INSL6: variants seen among roughly 807,000 people sequenced by gnomAD.
The protein encoded by INSL6 is insulin like 6, also known as insulin-like peptide INSL6.
INSL6 carries 16 observed loss-of-function variants against 9.4 expected under a neutral mutation model. The ratio of observed to expected loss-of-function variants is 1.70; its 90% CI spans 1.15 to 2.59. INSL6 has a LOEUF of 2.59. INSL6 is among the 30% of genes most tolerant of loss of function. The probability of loss-of-function intolerance (pLI) is 0.00; values close to 1 mark genes in which losing one functional copy is unlikely to be tolerated. For synonymous variants in INSL6, 154 were observed against 96.9 expected (o/e 1.59, Z -3.46); for missense variants, 391 against 257.3 (o/e 1.52, Z -3.56).
the INSL6 span, among the ~76,000 whole-genome samples, chr9:5,117,531 T>G: frequency 6.6e-6 from 1 of 152,240 alleles, no homozygotes; most frequent in South Asian, 2.1e-4. Flanking sequence ...CAATAAGATA[T>G]GTTTTCTATT....
chr9:5,044,343 G>T, the INSL6 span: 1 of 994,858 alleles, frequency 1.0e-6, no homozygotes, highest in Non-Finnish European at 1.6e-6. Context: ...ACTATATATA[G>T]ATAGTACGTT....
downstream of INSL6, among the ~76,000 whole-genome samples, chr9:5,161,760 G>C (rs952932038): frequency 1.3e-5 from 2 of 152,054 alleles, no homozygotes; most frequent in African/African-American, 4.8e-5. Flanking sequence ...AAAATCAATA[G>C]ACAAAATTCA....
intron 1 of INSL6, among the ~76,000 whole-genome samples, chr9:5,176,027 G>C (rs1825296521): frequency 6.6e-6 from 1 of 152,116 alleles, no homozygotes; most frequent in African/African-American, 2.4e-5. Flanking sequence ...GTACCAAAAA[G>C]GTTGGGGATT....
the INSL6 span, among the ~76,000 whole-genome samples, chr9:5,026,773 T>G: frequency 6.6e-6 from 1 of 152,216 alleles, no homozygotes; most frequent in Non-Finnish European, 1.5e-5. Context: ...GCTTGTATTA[T>G]TTACTTGTGT....
At chr9:5,046,876 G>T in the INSL6 span, among the ~76,000 whole-genome samples, 1 of 152,102 alleles carries the variant, frequency 6.6e-6, no homozygotes. Context: ...AGTATATTTT[G>T]GGGGTAGGCT....
At chr9:4,998,106 C>T in the INSL6 span, among the ~76,000 whole-genome samples, 20 of 152,110 alleles carry the variant, frequency 1.3e-4, no homozygotes, top group South Asian at 1.7e-3. Flanking sequence ...AAATATTTCA[C>T]GAGCAGAATT....
chr9:5,038,633 G>C, the INSL6 span, among the ~76,000 whole-genome samples: 1 of 150,400 alleles, frequency 6.6e-6, no homozygotes, highest in Non-Finnish European at 1.5e-5. Context: ...AATATTTGCA[G>C]AGTATACGCT....
At chr9:5,114,914 T>C in the INSL6 span, 1 of 186,160 alleles carries the variant, frequency 5.4e-6, no homozygotes, top group Non-Finnish European at 1.1e-5. Flanking sequence ...CCACCCCCAA[T>C]AAACAGTGCC....
the INSL6 span, among the ~76,000 whole-genome samples, chr9:5,068,694 A>G: frequency 1.3e-5 from 2 of 152,258 alleles, no homozygotes; most frequent in African/African-American, 4.8e-5. Flanking sequence ...AAACCAGCTC[A>G]TGGAAGGCTC....
intron 2 of INSL6, among the ~76,000 whole-genome samples, chr9:5,141,324 A>G (rs928572445): frequency 2.0e-5 from 3 of 152,176 alleles, no homozygotes; most frequent in African/African-American, 7.2e-5. Context: ...TCCTACCAGC[A>G]GTGTAAAAGT....
chr9:5,009,793 C>CA, the INSL6 span, among the ~76,000 whole-genome samples: 1 of 150,350 alleles, frequency 6.7e-6, no homozygotes, highest in African/African-American at 2.4e-5. Context: ...TTTTTGCAGT[C>CA]ACAGTCTTGC....
At chr9:5,165,468 T>C (rs777624266) in intron 1 of INSL6, among the ~76,000 whole-genome samples, 11 of 152,196 alleles carry the variant, frequency 7.2e-5, no homozygotes, top group Non-Finnish European at 1.3e-4. Flanking sequence ...ATTATCACCA[T>C]GGATGCACAG....
the INSL6 span, chr9:5,090,580 AT>A: frequency 6.4e-7 from 1 of 1,559,780 alleles, no homozygotes; most frequent in South Asian, 1.2e-5. Context: ...GGTAACTAAT[AT>A]CCTGATTATT....
chr9:5,169,903 C>A (rs1825140346), intron 1 of INSL6, among the ~76,000 whole-genome samples: 1 of 152,170 alleles, frequency 6.6e-6, no homozygotes, highest in Non-Finnish European at 1.5e-5. Context: ...TTAAGACTCC[C>A]ACACAATAAT....
the INSL6 span, chr9:5,077,354 T>A: frequency 6.7e-5 from 27 of 400,744 alleles, no homozygotes; most frequent in East Asian, 1.1e-3. Context: ...TTAATTTCTT[T>A]ACCTATAATG....
At chr9:5,175,817 G>A (rs748970919) in intron 1 of INSL6, among the ~76,000 whole-genome samples, 2 of 152,086 alleles carry the variant, frequency 1.3e-5, no homozygotes, top group African/African-American at 4.8e-5. Flanking sequence ...CCCCAGATGG[G>A]ACCATCTGGT....
chr9:5,025,506 C>T, the INSL6 span, among the ~76,000 whole-genome samples: 1 of 147,610 alleles, frequency 6.8e-6, no homozygotes, highest in African/African-American at 2.5e-5. Context: ...TTCTTTTCTT[C>T]TTCTTTTGTT....
At chr9:5,058,830 A>G in the INSL6 span, among the ~76,000 whole-genome samples, 10 of 152,138 alleles carry the variant, frequency 6.6e-5, no homozygotes, top group Admixed American at 6.5e-4. Context: ...TGCCATTTGT[A>G]TATCTTCTTT....
chr9:5,158,857 A>G (rs746203654), intron 2 of INSL6, among the ~76,000 whole-genome samples: 24 of 152,282 alleles, frequency 1.6e-4, no homozygotes, highest in Non-Finnish European at 2.9e-4. Flanking sequence ...ATAAAATATT[A>G]TAACTGTTAC....
Sources: gnomAD v4.1 joint callset for allele counts (sites outside exome capture counted in the v4.1 genomes callset) on GRCh38, gnomAD v4.1.1 for gene constraint, MANE v1.5 for transcripts, NCBI Gene and HGNC (gene_info 2026-07-23, HGNC 2026-07-21) for gene names.